The following PPP1R37 variants were observed in gnomAD, a reference collection of about 807,000 sequenced individuals.
PPP1R37 encodes protein phosphatase 1 regulatory subunit 37, also known as leucine rich repeat containing 68.
Under a neutral mutation model 61.0 loss-of-function variants are expected in PPP1R37, and 21 were observed. The observed-to-expected ratio is 0.34, with a 90% CI of 0.24 to 0.50. The LOEUF (loss-of-function observed/expected upper bound fraction) is 0.50, where lower values mean the gene tolerates loss of function less well. Among genes scored for constraint, PPP1R37 ranks in the 20% least tolerant of loss-of-function variants. The pLI, the probability that PPP1R37 is intolerant of heterozygous loss-of-function variation, is 0.98. For synonymous variants in PPP1R37, 443 were observed against 433.5 expected (o/e 1.02, Z -0.27); for missense variants, 910 against 952.7 (o/e 0.96, Z 0.59).
At chr19:45,122,518 G>T (rs770816184) in intron 1 of PPP1R37, among the ~76,000 whole-genome samples, 11 of 152,206 alleles carry the variant, frequency 7.2e-5, no homozygotes, top group Non-Finnish European at 1.5e-4. Flanking sequence ...GCACAGATCA[G>T]TACGCTTCCT....
At position 45,146,430 on chromosome 19, in the gene PPP1R37, G is replaced by A. The variant is rs1968701925; in HGVS notation, c.2034G>A (p.Leu678=). ...CSKNEKELEE[L]LLEASQESGQ... Reference sequence around the variant, plus strand: ...AGAACGAGAAGGAGCTCGAGGAGCTGCTTCTGGAAGCCAGTCAGGAATCCG... The same window carrying A: ...AGAACGAGAAGGAGCTCGAGGAGCTACTTCTGGAAGCCAGTCAGGAATCCG... Residue 678 remains leucine, a synonymous_variant, in exon 12 of 13, where the codon CTG becomes CTA. Coordinates refer to ENST00000221462, the MANE Select transcript of PPP1R37 (RefSeq NM_019121.2). 6.5e-7 allele frequency: 1 copy of A among 1,535,800 alleles called. No individual in the cohort carries two copies. The highest frequency in any genetic ancestry group is 1.2e-5 in the South Asian group (1 of 84,050).
chr19:45,119,525 C>T (rs1178508535), intron 1 of PPP1R37, among the ~76,000 whole-genome samples: 1 of 152,298 alleles, frequency 6.6e-6, no homozygotes, highest in Non-Finnish European at 1.5e-5. Context: ...TGGACCGACC[C>T]ACTTTCTGGC....
chr19:45,127,478 C>A (rs1046313335), intron 1 of PPP1R37, among the ~76,000 whole-genome samples: 5 of 151,768 alleles, frequency 3.3e-5, no homozygotes, highest in African/African-American at 1.2e-4. Context: ...GTACCCTCGG[C>A]AAGTGTAACA....
At chr19:45,107,267 C>T (rs1361255818) in intron 1 of PPP1R37, among the ~76,000 whole-genome samples, 5 of 151,934 alleles carry the variant, frequency 3.3e-5, no homozygotes, top group South Asian at 2.1e-4. Flanking sequence ...CCGAAGAGTT[C>T]GCGACCAGCC....
chr19:45,093,866 G>C (rs1003932256), intron 1 of PPP1R37, among the ~76,000 whole-genome samples: 1 of 152,212 alleles, frequency 6.6e-6, no homozygotes, highest in Non-Finnish European at 1.5e-5. Flanking sequence ...AAGGAGAGAA[G>C]GAGCAGTTGA....
chr19:45,128,644 G>T, intron 1 of PPP1R37: 1 of 1,244,942 alleles, frequency 8.0e-7, no homozygotes, highest in Non-Finnish European at 1.2e-6. Context: ...TCAGCATTAT[G>T]TAACACTGGC....
intron 1 of PPP1R37, among the ~76,000 whole-genome samples, chr19:45,110,954 C>T (rs1254236354): frequency 6.6e-6 from 1 of 152,190 alleles, no homozygotes; most frequent in Non-Finnish European, 1.5e-5. Flanking sequence ...GAATGTCTAC[C>T]GATGAGTGCT....
chr19:45,142,690 C>A lies in PPP1R37; in HGVS notation c.874+232C>A, dbSNP rs959874142. 4 of 548,678 alleles carry A rather than the reference C, an allele frequency of 7.3e-6. No individual in the cohort carries two copies. The African/African-American group carries it at 7.6e-5, about 10-fold the overall frequency. 34.0% of individuals were successfully genotyped at this position (548,678 alleles called of 1,614,324 possible). ...CGATCAGTCTGGGGGCCAGGGAGGG[C>A]TTCCAGGAGGAGGAGACAGCTCAGC... is the stretch of plus-strand genomic sequence containing the variant. On this transcript the variant is annotated intron_variant, in intron 7 of 12. Coordinates refer to ENST00000221462, the MANE Select transcript of PPP1R37 (RefSeq NM_019121.2).
chr19:45,124,473 G>A (rs1017711446), intron 1 of PPP1R37, among the ~76,000 whole-genome samples: 5 of 152,058 alleles, frequency 3.3e-5, no homozygotes, highest in Non-Finnish European at 7.4e-5. Flanking sequence ...TTTTGACAAG[G>A]CTGAAGGGCG....
rs1195863311 is a variant in PPP1R37 at position 45,142,425 on chromosome 19, C to T, written c.841C>T (p.Leu281=). 4 of 1,536,138 alleles carry T rather than the reference C, an allele frequency of 2.6e-6. No individual in the cohort carries two copies. Among genetic ancestry groups the T allele is most frequent in the East Asian group, 2.4e-5 (1 of 40,914 alleles). ...CAAGTTCAACTGCTCCCTGCAGATC[C>T]TGGACCTCCGGAACAACCACGTGCT... ...LLKFNCSLQI[L]DLRNNHVLDS... The change falls in exon 7 of 13, where the codon CTG becomes TTG. Residue 281 remains leucine (L), a synonymous_variant. Coordinates refer to ENST00000221462, the MANE Select transcript of PPP1R37 (RefSeq NM_019121.2).
intron 1 of PPP1R37, among the ~76,000 whole-genome samples, chr19:45,122,769 G>A (rs1968357461): frequency 6.6e-6 from 1 of 152,054 alleles, no homozygotes; most frequent in Non-Finnish European, 1.5e-5. Flanking sequence ...GCAAGGATCA[G>A]GACCTCAATG....
chr19:45,119,808 G>A (rs556522574), intron 1 of PPP1R37, among the ~76,000 whole-genome samples: 1 of 152,216 alleles, frequency 6.6e-6, no homozygotes, highest in East Asian at 1.9e-4. Flanking sequence ...GCTCAGAGAA[G>A]AGCCAGCTCC....
chr19:45,120,014 C>CTTTTTTTTTTTTTTTTTTTTTTTT lies in PPP1R37; in HGVS notation c.203-18479_203-18478insTTTTTTTTTTTTTTTTTTTTTTTT, dbSNP rs11312138. 1.0e-3 allele frequency among the ~76,000 whole-genome samples: 85 copies of CTTTTTTTTTTTTTTTTTTTTTTTT among 83,568 alleles called. 4 individuals carry two copies. Among genetic ancestry groups the CTTTTTTTTTTTTTTTTTTTTTTTT allele is most frequent in the Non-Finnish European group, 1.7e-3 (70 of 41,776 alleles). The allele number at this position is 83,568 out of a possible 152,430, so 54.8% of individuals were successfully genotyped here. A position where few individuals can be genotyped will look rare whatever the true frequency, so the allele number is the denominator to read the frequency against. On this transcript the variant is annotated intron_variant, in intron 1 of 12. Transcript: ENST00000221462. ...AGCACAGATTTTTTATTTTCCCCTT[C>CTTTTTTTTTTTTTTTTTTTTTTTT]TTTTTTTTTTTTTTTTTTTTTGAGA...
intron 1 of PPP1R37, among the ~76,000 whole-genome samples, chr19:45,118,761 C>T (rs904697749): frequency 1.3e-5 from 2 of 151,044 alleles, no homozygotes; most frequent in Non-Finnish European, 3.0e-5. Context: ...GGCCCAAGTT[C>T]CTTCCTTCCT....
chr19:45,097,139 C>T (rs954397484), intron 1 of PPP1R37, among the ~76,000 whole-genome samples: 1 of 151,702 alleles, frequency 6.6e-6, no homozygotes, highest in African/African-American at 2.4e-5. Flanking sequence ...AAGTGAGAGG[C>T]CCAGAGGGTC....
rs955616428 is a variant in PPP1R37 at position 45,141,969 on chromosome 19, T to C, written c.568-92T>C. 3.9e-6 allele frequency: 4 copies of C among 1,028,072 alleles called. No individual in the cohort carries two copies. The African/African-American group carries it at 6.2e-5, about 16-fold the overall frequency. The allele number at this position is 1,028,072 out of a possible 1,614,324, so 63.7% of individuals were successfully genotyped here. ...CATTGAGACATGGGGGCACAGGTCCTGGGGCCAGGGAGTGCTGGGGCGGTC... is the reference window on the plus strand; with the variant it reads ...CATTGAGACATGGGGGCACAGGTCCCGGGGCCAGGGAGTGCTGGGGCGGTC... On this transcript the variant is annotated intron_variant, in intron 5 of 12. Coordinates refer to ENST00000221462, the MANE Select transcript of PPP1R37 (RefSeq NM_019121.2).
intron 1 of PPP1R37, among the ~76,000 whole-genome samples, chr19:45,106,312 GCT>G (rs1968129930): frequency 6.6e-6 from 1 of 152,090 alleles, no homozygotes; most frequent in African/African-American, 2.4e-5. Flanking sequence ...CAGGATCTTG[GCT>G]TACTGAAACC....
intron 1 of PPP1R37, among the ~76,000 whole-genome samples, chr19:45,123,788 A>T (rs1419837813): frequency 6.6e-6 from 1 of 152,174 alleles, no homozygotes; most frequent in Non-Finnish European, 1.5e-5. Context: ...GTTTCACTAC[A>T]TGAGTAGCTT....
Position 45,144,849 on chromosome 19 carries a change from T to A in PPP1R37, c.988-5T>A. ...CCTCCTCACCCTCACACCCCCTCCC[T>A]CCAGCCGCACACTCAGAGCCTGGAG... On this transcript the variant is annotated splice_polypyrimidine_tract_variant and splice_region_variant and intron_variant, in intron 8 of 12. Coordinates refer to ENST00000221462, the MANE Select transcript of PPP1R37 (RefSeq NM_019121.2). 1 of 1,526,742 alleles carries A rather than the reference T, an allele frequency of 6.5e-7. No homozygotes were observed. 94.6% of individuals were successfully genotyped at this position (1,526,742 alleles called of 1,614,324 possible).
Sources: gnomAD v4.1 joint callset for allele counts (sites outside exome capture counted in the v4.1 genomes callset) on GRCh38, gnomAD v4.1.1 for gene constraint, MANE v1.5 for transcripts, NCBI Gene and HGNC (gene_info 2026-07-23, HGNC 2026-07-21) for gene names.